Variants in IL1RAPL1 observed in about 807,000 individuals in gnomAD.
The protein encoded by IL1RAPL1 is interleukin-1 receptor accessory protein-like 1.
Under a neutral mutation model 48.4 loss-of-function variants are expected in IL1RAPL1, and 3 were observed. The ratio of observed to expected loss-of-function variants is 0.06; its 90% CI spans 0.03 to 0.16. IL1RAPL1 has a LOEUF of 0.16. IL1RAPL1 is among the 10% of genes least tolerant of loss of function. The pLI, the probability that IL1RAPL1 is intolerant of heterozygous loss-of-function variation, is 1.00. For synonymous variants in IL1RAPL1, 185 were observed against 187.7 expected, an observed-to-expected ratio of 0.99 and a Z score of 0.12; for missense variants, 349 against 530.6, an observed-to-expected ratio of 0.66 and a Z score of 3.36.
Position 29,114,006 on chromosome X carries a change from C to T in IL1RAPL1, c.83-168932C>T, listed in dbSNP as rs139103572. 1.0e-3 allele frequency among the ~76,000 whole-genome samples: 115 copies of T among 111,226 alleles called. 2 individuals carry two copies. The East Asian group carries it at 0.031, about 30-fold the overall frequency. On this transcript the variant is annotated intron_variant, in intron 2 of 10. Coordinates refer to ENST00000378993, the MANE Select transcript of IL1RAPL1 (RefSeq NM_014271.4). ...GCATTATATCTTCTTTAATACATTG[C>T]GTGATTCTGTTTGCCAATATCTTCT...
At chrX:29,402,621 G>A (rs1461164534) in intron 5 of IL1RAPL1, among the ~76,000 whole-genome samples, 1 of 111,232 alleles carries the variant, frequency 9.0e-6, no homozygotes, top group Non-Finnish European at 1.9e-5. Flanking sequence ...TATAGTTAAT[G>A]AACTGATTTT....
At chrX:29,585,505 G>A (rs764345711) in intron 5 of IL1RAPL1, among the ~76,000 whole-genome samples, 2 of 111,882 alleles carry the variant, frequency 1.8e-5, no homozygotes, top group South Asian at 3.8e-4. Flanking sequence ...TGGGGTCATT[G>A]ATATACTGAT....
At chrX:28,792,816 A>AAAAAAAT (rs1936562170) in intron 2 of IL1RAPL1, among the ~76,000 whole-genome samples, 7 of 10,105 alleles carry the variant, frequency 6.9e-4, no homozygotes, top group East Asian at 2.8e-3. Flanking sequence ...AAAAAAAAAA[A>AAAAAAAT]ATATATATAT....
At chrX:29,518,313 G>A (rs772922675) in intron 5 of IL1RAPL1, among the ~76,000 whole-genome samples, 2 of 110,971 alleles carry the variant, frequency 1.8e-5, no homozygotes, top group South Asian at 7.6e-4. Context: ...TCGTTACAAT[G>A]CAGATTGTGA....
At chrX:29,882,402 C>G (rs1159541550) in intron 6 of IL1RAPL1, among the ~76,000 whole-genome samples, 1 of 111,570 alleles carries the variant, frequency 9.0e-6, no homozygotes, top group Non-Finnish European at 1.9e-5. Context: ...TATTTAATTG[C>G]TCTCAGTTTC....
At chrX:29,128,465 C>G (rs1405471673) in intron 2 of IL1RAPL1, among the ~76,000 whole-genome samples, 1 of 111,361 alleles carries the variant, frequency 9.0e-6, no homozygotes, top group Non-Finnish European at 1.9e-5. Context: ...CTCGCCTTGC[C>G]TCCTCCCCAA....
intron 5 of IL1RAPL1, among the ~76,000 whole-genome samples, chrX:29,634,040 T>G (rs1216994164): frequency 8.9e-6 from 1 of 111,850 alleles, no homozygotes; most frequent in Admixed American, 9.5e-5. Flanking sequence ...AATATAAAAA[T>G]ATTGTACAGA....
chrX:28,914,355 T>C (rs868274024), intron 2 of IL1RAPL1, among the ~76,000 whole-genome samples: 13 of 111,380 alleles, frequency 1.2e-4, no homozygotes, highest in African/African-American at 4.2e-4. Context: ...ATTTGAAAAA[T>C]GTAAAATGTT....
intron 1 of IL1RAPL1, among the ~76,000 whole-genome samples, chrX:28,650,152 A>G (rs980293414): frequency 7.1e-5 from 8 of 112,030 alleles, no homozygotes; most frequent in South Asian, 3.8e-4. Flanking sequence ...CAATTATTTC[A>G]TATTCGTATG....
At chrX:28,988,330 AGGT>A (rs1369639870) in intron 2 of IL1RAPL1, among the ~76,000 whole-genome samples, 2 of 111,922 alleles carry the variant, frequency 1.8e-5, no homozygotes, top group Admixed American at 9.5e-5. Context: ...TTTGTAGTGG[AGGT>A]GGTATATTCT....
At chrX:29,024,264 G>A (rs1281824454) in intron 2 of IL1RAPL1, among the ~76,000 whole-genome samples, 4 of 111,324 alleles carry the variant, frequency 3.6e-5, no homozygotes, top group Non-Finnish European at 3.8e-5. Context: ...AAAGATGTCC[G>A]GTGTGTTTAC....
At chrX:29,888,302 C>A (rs1387548523) in intron 6 of IL1RAPL1, among the ~76,000 whole-genome samples, 1 of 108,915 alleles carries the variant, frequency 9.2e-6, no homozygotes, top group Admixed American at 9.9e-5. Flanking sequence ...CGGCTCACCG[C>A]AACCTCTGCC....
intron 1 of IL1RAPL1, among the ~76,000 whole-genome samples, chrX:28,664,324 A>G (rs1165727312): frequency 6.2e-5 from 7 of 112,164 alleles, no homozygotes; most frequent in Non-Finnish European, 1.3e-4. Flanking sequence ...AAAGACTTTC[A>G]ATTTCTATAT....
chrX:29,150,384 G>A (rs1929438480), intron 2 of IL1RAPL1, among the ~76,000 whole-genome samples: 1 of 111,002 alleles, frequency 9.0e-6, no homozygotes, highest in Admixed American at 9.7e-5. Context: ...AACAATAATA[G>A]CAGCAGCAGC....
intron 5 of IL1RAPL1, among the ~76,000 whole-genome samples, chrX:29,412,619 A>C (rs777223230): frequency 8.9e-6 from 1 of 111,983 alleles, no homozygotes; most frequent in Non-Finnish European, 1.9e-5. Context: ...GAAAATTTTT[A>C]ATTGTATATG....
At chrX:29,413,493 A>G in intron 5 of IL1RAPL1, among the ~76,000 whole-genome samples, 1 of 98,651 alleles carries the variant, frequency 1.0e-5, no homozygotes, top group African/African-American at 3.8e-5. Flanking sequence ...TCCTAATGCT[A>G]TCCCTCCCCC....
intron 5 of IL1RAPL1, among the ~76,000 whole-genome samples, chrX:29,575,781 C>T (rs763914346): frequency 8.9e-6 from 1 of 112,083 alleles, no homozygotes; most frequent in East Asian, 2.8e-4. Flanking sequence ...GGTGATAGCT[C>T]TTCTAAATCA....
intron 2 of IL1RAPL1, among the ~76,000 whole-genome samples, chrX:28,904,883 A>G (rs1287839342): frequency 8.9e-6 from 1 of 112,156 alleles, no homozygotes; most frequent in Non-Finnish European, 1.9e-5. Context: ...TGAAATAACA[A>G]TTTTAATACT....
At chrX:29,288,537 C>T (rs1932321664) in intron 3 of IL1RAPL1, among the ~76,000 whole-genome samples, 1 of 112,073 alleles carries the variant, frequency 8.9e-6, no homozygotes, top group Non-Finnish European at 1.9e-5. Flanking sequence ...ATATGTACCA[C>T]ATTTTCTTTA....
Sources: gnomAD v4.1 joint callset for allele counts (sites outside exome capture counted in the v4.1 genomes callset) on GRCh38, gnomAD v4.1.1 for gene constraint, MANE v1.5 for transcripts, NCBI Gene and HGNC (gene_info 2026-07-23, HGNC 2026-07-21) for gene names.